HERC2: variants seen among roughly 807,000 people sequenced by gnomAD.
The protein encoded by HERC2 is E3 ubiquitin-protein ligase HERC2.
HERC2 carries 102 observed loss-of-function variants against 537.7 expected under a neutral mutation model. That is an observed-to-expected ratio of 0.19 (90% CI 0.16 to 0.22). HERC2 has a LOEUF of 0.22. HERC2 is among the 10% of genes least tolerant of loss of function. The pLI, the probability that HERC2 is intolerant of heterozygous loss-of-function variation, is 1.00. For synonymous variants in HERC2, 2,224 were observed against 2,466.2 expected (o/e 0.90, Z 2.91); for missense variants, 4,236 against 6,198.2 (o/e 0.68, Z 10.63).
At chr15:28,267,505 C>G (rs1007306289) in intron 12 of HERC2, among the ~76,000 whole-genome samples, 1 of 152,220 alleles carries the variant, frequency 6.6e-6, no homozygotes, top group African/African-American at 2.4e-5. Flanking sequence ...CCATGTCAAT[C>G]CCAGCCTTTA....
At chr15:28,292,402 C>T (rs1390253630) in intron 4 of HERC2, among the ~76,000 whole-genome samples, 1 of 152,092 alleles carries the variant, frequency 6.6e-6, no homozygotes, top group Admixed American at 6.6e-5. Context: ...ATTAGGATGG[C>T]TATCATCAGA....
At chr15:28,129,918 G>A (rs1255932212) in intron 83 of HERC2, among the ~76,000 whole-genome samples, 2 of 151,942 alleles carry the variant, frequency 1.3e-5, no homozygotes, top group African/African-American at 4.8e-5. Flanking sequence ...CTGAGATGCA[G>A]GCGCGCGCCA....
intron 2 of HERC2, among the ~76,000 whole-genome samples, chr15:28,318,547 G>A (rs1462495744): frequency 6.6e-6 from 1 of 151,914 alleles, no homozygotes; most frequent in Non-Finnish European, 1.5e-5. Flanking sequence ...AGAATGGCAT[G>A]AACCCAGGAG....
chr15:28,280,051 C>T lies in HERC2; in HGVS notation c.542+17G>A. 6.3e-7 allele frequency: 1 copy of T among 1,589,178 alleles called. No homozygotes were observed. Among genetic ancestry groups the T allele is most frequent in the Non-Finnish European group, 8.6e-7 (1 of 1,163,372 alleles). ...TATTTAACTGGCATCAGGATTCTTT[C>T]TTCGCTTTATTGTTACCTTTTTTTG... On this transcript the variant is annotated intron_variant, in intron 5 of 92. Transcript: ENST00000261609.
intron 4 of HERC2, among the ~76,000 whole-genome samples, chr15:28,287,479 C>T (rs1291072896): frequency 6.6e-6 from 1 of 152,068 alleles, no homozygotes; most frequent in African/African-American, 2.4e-5. Context: ...AGGTGTATTT[C>T]GGGTCTAGTT....
intron 57 of HERC2, among the ~76,000 whole-genome samples, chr15:28,179,911 CAA>C (rs969821898): frequency 1.3e-5 from 2 of 152,120 alleles, no homozygotes. Context: ...TTACAAGAGT[CAA>C]AAAGTTTTTT....
Position 28,213,857 on chromosome 15 carries a change from A to G in HERC2, c.6671T>C (p.Met2224Thr), listed in dbSNP as rs779882033. ...AGTGCCTTCTCCAAACTCATCGTGCATAACTTGACCGCCCAGGCGCAGGCG... is the reference window on the plus strand; with the variant it reads ...AGTGCCTTCTCCAAACTCATCGTGCGTAACTTGACCGCCCAGGCGCAGGCG... ...DGRLRLGGQV[M>T]HDEFGEGTVT... The change falls in exon 42 of 93, where the codon ATG (methionine) becomes ACG (threonine). Residue 2224 changes from methionine (M) to threonine (T), a missense_variant. By Grantham distance (81) the Met-to-Thr change is moderately conservative. Around this residue, in one of 27 missense-constraint regions of HERC2, gnomAD observed 365 missense variants for 468.8 expected, o/e 0.78. Coordinates refer to ENST00000261609, the MANE Select transcript of HERC2 (RefSeq NM_004667.6). 8.7e-6 allele frequency: 14 copies of G among 1,613,934 alleles called. No individual in the cohort carries two copies. In the Admixed American group the frequency reaches 2.2e-4, roughly 25 times the overall value.
rs563175513 is a variant in HERC2, at chr15:28,111,871, G to A, written c.14397C>T (p.Ile4799=). 12 of 1,614,212 alleles carry A rather than the reference G, an allele frequency of 7.4e-6. No homozygotes were observed. Among genetic ancestry groups the A allele is most frequent in the African/African-American group, 4.0e-5 (3 of 75,054 alleles). ...KSIDTDDYAR[I]ALTGEPAADD... is the part of the protein sequence containing the mutation. ...CGGCGGCTGGCTCTCCTGTAAGTGC[G>A]ATGCGAGCGTAGTCATCTGTGTCTA... The change falls in exon 93 of 93, where the codon ATC becomes ATT. Residue 4799 remains isoleucine (I), a synonymous_variant. Coordinates refer to ENST00000261609, the MANE Select transcript of HERC2 (RefSeq NM_004667.6).
At chr15:28,155,358 T>C (rs551623963) in intron 69 of HERC2, among the ~76,000 whole-genome samples, 1 of 152,326 alleles carries the variant, frequency 6.6e-6, no homozygotes, top group African/African-American at 2.4e-5. Context: ...TCCGCAGTGG[T>C]TGAACTAGTT....
In HERC2 at chr15:28,280,130, C is replaced by T; in HGVS notation, c.480G>A (p.Gln160=). The change falls in exon 5 of 93, where the codon CAG becomes CAA. Residue 160 remains glutamine (Q), a synonymous_variant. Coordinates refer to ENST00000261609, the MANE Select transcript of HERC2 (RefSeq NM_004667.6). The stretch of plus-strand genomic sequence containing the variant: ...TTTTCCACTTAACTTTGACATTCTC[C>T]TGAAAAACGGTTCTATTCAAGGCAA... ...YFIALNRTVF[Q]ENVKVKWKSS... is the part of the protein sequence containing the mutation. 2 of 1,614,096 alleles carry T rather than the reference C, an allele frequency of 1.2e-6. No homozygotes were observed. Among genetic ancestry groups the T allele is most frequent in the Non-Finnish European group, 1.7e-6 (2 of 1,180,016 alleles).
chr15:28,116,570 G>T, intron 88 of HERC2, 95 bp downstream of exon 88: 3 of 1,210,410 alleles, frequency 2.5e-6, no homozygotes, highest in African/African-American at 1.5e-5. Context: ...AGATATTCAA[G>T]ATATCTACTG....
At chr15:28,243,996 G>A (rs930524981) in intron 23 of HERC2, among the ~76,000 whole-genome samples, 3 of 152,102 alleles carry the variant, frequency 2.0e-5, no homozygotes, top group African/African-American at 7.2e-5. Context: ...GGCAACAGAG[G>A]GAGACCGTGT....
At chr15:28,132,899 A>C in intron 79 of HERC2, 69 bp from the exon 80 acceptor site, 2 of 1,203,632 alleles carry the variant, frequency 1.7e-6, no homozygotes, top group Non-Finnish European at 2.2e-6. Context: ...TGTATTAAAT[A>C]CCTCTCAATC....
chr15:28,201,857 C>A (rs1210127218), intron 47 of HERC2, among the ~76,000 whole-genome samples: 5 of 151,732 alleles, frequency 3.3e-5, no homozygotes, highest in Non-Finnish European at 7.3e-5. Flanking sequence ...CTAATGGCTA[C>A]CGAAGATCAT....
chr15:28,260,494 T>C (rs2075388333), intron 16 of HERC2, among the ~76,000 whole-genome samples: 1 of 152,148 alleles, frequency 6.6e-6, no homozygotes. Flanking sequence ...CCTATTCAGC[T>C]TCACACTGCA....
intron 2 of HERC2, among the ~76,000 whole-genome samples, chr15:28,320,929 AAC>A (rs1377803505): frequency 6.6e-6 from 1 of 152,026 alleles, no homozygotes; most frequent in African/African-American, 2.4e-5. Flanking sequence ...TCTCTCCAGA[AAC>A]ACAAACACAA....
At chr15:28,253,381 T>C (rs1055998411) in intron 20 of HERC2, among the ~76,000 whole-genome samples, 11 of 152,222 alleles carry the variant, frequency 7.2e-5, no homozygotes, top group African/African-American at 2.7e-4. Flanking sequence ...ATAGAACCAG[T>C]TTTAAAAATA....
intron 65 of HERC2, among the ~76,000 whole-genome samples, chr15:28,173,970 TTTGA>T (rs1894971287): frequency 1.3e-5 from 2 of 152,122 alleles, no homozygotes; most frequent in South Asian, 2.1e-4. Context: ...GTTCATTATC[TTTGA>T]TTGTGCTGAT....
At chr15:28,307,322 T>A (rs1473641443) in intron 2 of HERC2, among the ~76,000 whole-genome samples, 2 of 152,258 alleles carry the variant, frequency 1.3e-5, no homozygotes, top group Non-Finnish European at 2.9e-5. Context: ...AACCAACTTT[T>A]CATTTCATTG....
Sources: gnomAD v4.1 joint callset for allele counts (sites outside exome capture counted in the v4.1 genomes callset) on GRCh38, gnomAD v4.1.1 for gene constraint, gnomAD v4.1.1 regional missense constraint, MANE v1.5 for transcripts, NCBI Gene and HGNC (gene_info 2026-07-23, HGNC 2026-07-21) for gene names.